DSE: variants seen among roughly 807,000 people sequenced by gnomAD.
DSE encodes the protein dermatan sulfate epimerase, also known as dermatan-sulfate epimerase.
DSE carries 36 observed loss-of-function variants against 84.4 expected under a neutral mutation model. The observed-to-expected ratio is 0.43, with a 90% CI of 0.33 to 0.56. The LOEUF is 0.56. DSE is among the 20% of genes least tolerant of loss of function. DSE has a pLI of 0.06. For missense variants in DSE, 862 were observed against 1,169.6 expected (o/e 0.74, Z 3.84); for synonymous variants, 410 against 430.1 (o/e 0.95, Z 0.58).
intron 2 of DSE, among the ~76,000 whole-genome samples, chr6:116,304,057 AGCCTGCAGTGAACCGAGGT>A (rs1218364690): frequency 2.0e-5 from 3 of 151,130 alleles, no homozygotes; most frequent in Non-Finnish European, 4.4e-5. Context: ...AATGAGGTGG[AGCCTGCAGTGAACCGAGGT>A]TGCACCACTG....
chr6:116,326,285 C>A (rs1776615695), intron 2 of DSE, among the ~76,000 whole-genome samples: 1 of 152,040 alleles, frequency 6.6e-6, no homozygotes, highest in Non-Finnish European at 1.5e-5. Context: ...CCTAAGGAGT[C>A]ATAGCCTCTA....
At position 116,441,627 on chromosome 6, in the gene DSE, A is replaced by G. The variant is rs1191649312; in HGVS notation, c.*4282A>G. 2 of 152,196 alleles carry G rather than the reference A, an allele frequency of 1.3e-5. No homozygotes were observed. The highest frequency in any genetic ancestry group is 2.9e-5 in the Non-Finnish European group (2 of 68,036). The allele number at this position is 152,196 out of a possible 1,614,324, so 9.4% of individuals were successfully genotyped here. A position where few individuals can be genotyped will look rare whatever the true frequency, so the allele number is the denominator to read the frequency against. On this transcript the variant is annotated 3_prime_UTR_variant, in exon 6 of 6. Coordinates refer to ENST00000644252, the MANE Select transcript of DSE (RefSeq NM_013352.4). Reference sequence around the variant, plus strand: ...AAGGAGACTGGGAAGAGGAGGCCATAATTTTAAATGTGGTGATCAGGTTAG... The same window carrying G: ...AAGGAGACTGGGAAGAGGAGGCCATGATTTTAAATGTGGTGATCAGGTTAG...
chr6:116,387,935 T>A lies in DSE; in HGVS notation c.-53-11263T>A, dbSNP rs990235144. ...TGTATTATCCTAGGTGGGGAGATTC[T>A]GGAGAGTGAGTACTAGGAAAGGGAT... is the stretch of plus-strand genomic sequence containing the variant. On this transcript the variant is annotated intron_variant, in intron 1 of 5. Coordinates refer to ENST00000644252, the MANE Select transcript of DSE (RefSeq NM_013352.4). Among the ~76,000 whole-genome samples the A allele has an allele frequency of 2.0e-5, 3 of 152,240 alleles. No homozygotes were observed. The South Asian group carries it at 6.2e-4, about 32-fold the overall frequency.
chr6:116,410,201 G>A (rs766973756), intron 2 of DSE, among the ~76,000 whole-genome samples: 4 of 152,068 alleles, frequency 2.6e-5, no homozygotes, highest in Admixed American at 2.0e-4. Flanking sequence ...GTATTTTGAC[G>A]CAAACACCCT....
At chr6:116,295,680 C>T (rs1351771582) in intron 2 of DSE, among the ~76,000 whole-genome samples, 1 of 152,130 alleles carries the variant, frequency 6.6e-6, no homozygotes, top group Non-Finnish European at 1.5e-5. Context: ...TTTTTCAAGG[C>T]ATCACTAAAC....
chr6:116,317,729 A>G (rs1776069294), intron 2 of DSE, among the ~76,000 whole-genome samples: 1 of 152,240 alleles, frequency 6.6e-6, no homozygotes, highest in African/African-American at 2.4e-5. Flanking sequence ...GTATTGCCGT[A>G]TCTAAACAAA....
chr6:116,265,313 G>A (rs571757295), intron 2 of DSE, among the ~76,000 whole-genome samples: 1 of 152,204 alleles, frequency 6.6e-6, no homozygotes, highest in South Asian at 2.1e-4. Flanking sequence ...TCAGGGCAGG[G>A]AAGGATCTGC....
upstream of DSE, chr6:116,367,052 C>G (rs1481954038): frequency 6.6e-6 from 1 of 152,166 alleles, no homozygotes; most frequent in Admixed American, 6.5e-5. Context: ...GGAGATGAAG[C>G]AGTCGCAGCG....
At chr6:116,283,927 T>C (rs1229203083) in intron 2 of DSE, among the ~76,000 whole-genome samples, 2 of 152,254 alleles carry the variant, frequency 1.3e-5, no homozygotes, top group Non-Finnish European at 2.9e-5. Flanking sequence ...AGTGTATCTG[T>C]ACTGGCATAT....
At chr6:116,375,208 G>A (rs1017507974) in intron 1 of DSE, among the ~76,000 whole-genome samples, 8 of 151,376 alleles carry the variant, frequency 5.3e-5, no homozygotes, top group East Asian at 4.1e-4. Context: ...AAACTCTTGA[G>A]GTGTACTGAT....
chr6:116,409,368 C>G (rs1441947756), intron 2 of DSE, among the ~76,000 whole-genome samples: 5 of 152,314 alleles, frequency 3.3e-5, no homozygotes, highest in Middle Eastern at 3.4e-3. Context: ...GCTCCGCCTC[C>G]TGGGTTCATG....
intron 2 of DSE, among the ~76,000 whole-genome samples, chr6:116,413,487 G>A (rs1034217806): frequency 6.6e-6 from 1 of 152,096 alleles, no homozygotes; most frequent in African/African-American, 2.4e-5. Context: ...TTCTCAAAAT[G>A]TATTGGGAAG....
chr6:116,353,336 G>A (rs1032967927), intron 2 of DSE, among the ~76,000 whole-genome samples: 5 of 152,122 alleles, frequency 3.3e-5, no homozygotes, highest in African/African-American at 1.2e-4. Flanking sequence ...TGTGTGTTAG[G>A]TAATATTGGG....
intron 2 of DSE, among the ~76,000 whole-genome samples, chr6:116,297,431 C>T (rs544337447): frequency 1.6e-4 from 24 of 151,914 alleles, no homozygotes; most frequent in Admixed American, 1.6e-3. Flanking sequence ...TGAGTGCCTC[C>T]TAGGATCACC....
At chr6:116,423,915 A>G (rs1170104477) in intron 2 of DSE, among the ~76,000 whole-genome samples, 6 of 152,204 alleles carry the variant, frequency 3.9e-5, no homozygotes, top group Non-Finnish European at 8.8e-5. Context: ...TGAATTGGAA[A>G]CTGTTTGAAA....
intron 1 of DSE, among the ~76,000 whole-genome samples, chr6:116,397,460 G>A (rs1781330757): frequency 2.0e-5 from 3 of 152,024 alleles, no homozygotes; most frequent in Admixed American, 6.5e-5. Flanking sequence ...GCCCGCCTCC[G>A]CCTCCCAAAG....
intron 2 of DSE, among the ~76,000 whole-genome samples, chr6:116,307,431 A>G (rs1452739689): frequency 6.6e-6 from 1 of 152,226 alleles, no homozygotes; most frequent in Non-Finnish European, 1.5e-5. Context: ...GTGTATCTTA[A>G]TAAAGAATTT....
rs117004085 is a variant in DSE, at chr6:116,280,978, T to C, written c.-54+22011T>C. ...CTGATGGCCCTCAAAGATGTACCTG[T>C]CTTAGTTATGCGGCCAAAGGGACTT... On this transcript the variant is annotated intron_variant, in intron 2 of 3. Transcript: ENST00000430252. 2.6e-4 allele frequency among the ~76,000 whole-genome samples: 40 copies of C among 152,356 alleles called. No individual in the cohort carries two copies. In the East Asian group the frequency reaches 7.3e-3, roughly 28 times the overall value.
rs1364458460 is a variant in DSE at position 116,441,243 on chromosome 6, A to G, written c.*3898A>G. On this transcript the variant is annotated 3_prime_UTR_variant, in exon 6 of 6. Transcript: ENST00000644252. ...AAGACATAGTCACTATGTGAAGAAT[A>G]AAAATAGACAAAGTTGCATTATGAC... 1 of 152,230 alleles carries G rather than the reference A, an allele frequency of 6.6e-6. No individual in the cohort carries two copies. Among genetic ancestry groups the G allele is most frequent in the African/African-American group, 2.4e-5 (1 of 41,466 alleles). The allele number at this position is 152,230 out of a possible 1,614,324, so 9.4% of individuals were successfully genotyped here.
Sources: gnomAD v4.1 joint callset for allele counts (sites outside exome capture counted in the v4.1 genomes callset) on GRCh38, gnomAD v4.1.1 for gene constraint, MANE v1.5 for transcripts, NCBI Gene and HGNC (gene_info 2026-07-23, HGNC 2026-07-21) for gene names.